Variants in ORC4 observed in about 807,000 individuals in gnomAD.
ORC4 encodes origin recognition complex, subunit 4 homolog.
Under a neutral mutation model 63.9 loss-of-function variants are expected in ORC4, and 55 were observed. The observed-to-expected ratio is 0.86, with a 90% CI of 0.69 to 1.08. The LOEUF (loss-of-function observed/expected upper bound fraction) is 1.08. Among genes scored for constraint, ORC4 ranks in the 50% least tolerant of loss-of-function variants. The pLI, the probability that ORC4 is intolerant of heterozygous loss-of-function variation, is 0.00. For synonymous variants in ORC4, 150 were observed against 168.5 expected (o/e 0.89, Z 0.85); for missense variants, 511 against 504.4 (o/e 1.01, Z -0.13).
chr2:147,955,390 G>T lies in ORC4; in HGVS notation c.393C>A (p.Ser131Arg), dbSNP rs1304152588. 10 of 1,602,916 alleles carry T rather than the reference G, an allele frequency of 6.2e-6. No individual in the cohort carries two copies. The highest frequency in any genetic ancestry group is 6.8e-6 in the Non-Finnish European group (8 of 1,171,280). The change falls in exon 7 of 14, where the codon AGC (serine) becomes AGA (arginine). Residue 131 changes from serine to arginine, a missense_variant. Ser to Arg is a moderately radical substitution (Grantham distance 110). Transcript: ENST00000392857. ...ENVVGDKVFGSFAENLSFLLE... is the reference protein window; with the variant it reads ...ENVVGDKVFGRFAENLSFLLE... ...GAAGAAATGAAAGGTTTTCAGCAAA[G>T]CTTCCCTGAACAACAAAATGAGATA...
chr2:147,955,228 A>G, intron 7 of ORC4, 119 bp downstream of exon 7: 1 of 673,222 alleles, frequency 1.5e-6, no homozygotes, highest in South Asian at 1.7e-5. Flanking sequence ...ATTCTTTTTA[A>G]TGTTTCTGTA....
chr2:148,005,993 AACAC>A (rs1380909161), intron 1 of ORC4, among the ~76,000 whole-genome samples: 1 of 152,064 alleles, frequency 6.6e-6, no homozygotes, highest in African/African-American at 2.4e-5. Context: ...CAAACAAATA[AACAC>A]ACTAACAAAC....
intron 1 of ORC4, among the ~76,000 whole-genome samples, chr2:148,001,125 A>G (rs1692275910): frequency 6.6e-6 from 1 of 152,124 alleles, no homozygotes; most frequent in Non-Finnish European, 1.5e-5. Context: ...AAGGCGATAA[A>G]GGCCCAATCA....
At chr2:147,959,180 T>C (rs1442331284) in intron 4 of ORC4, among the ~76,000 whole-genome samples, 5 of 152,010 alleles carry the variant, frequency 3.3e-5, no homozygotes, top group Non-Finnish European at 5.9e-5. Flanking sequence ...ATGGCCCTTA[T>C]AAACTTCATG....
At chr2:147,945,599 G>A (rs1688614629) in intron 9 of ORC4, among the ~76,000 whole-genome samples, 1 of 152,036 alleles carries the variant, frequency 6.6e-6, no homozygotes, top group Non-Finnish European at 1.5e-5. Flanking sequence ...CTCTTATACT[G>A]CCATGCTAAG....
upstream of ORC4, chr2:148,021,147 G>A (rs1356987929): frequency 6.4e-6 from 1 of 155,112 alleles, no homozygotes; most frequent in Non-Finnish European, 1.4e-5. Flanking sequence ...GGCAGTGGCA[G>A]AGGGGGGGCA....
chr2:148,010,054 T>A (rs1056251797), intron 1 of ORC4, among the ~76,000 whole-genome samples: 1 of 152,080 alleles, frequency 6.6e-6, no homozygotes, highest in African/African-American at 2.4e-5. Flanking sequence ...AAGTGGAACT[T>A]TGGAAACTAT....
At chr2:147,973,314 C>A in intron 3 of ORC4, 134 bp downstream of exon 3, 1 of 684,926 alleles carries the variant, frequency 1.5e-6, no homozygotes, top group South Asian at 1.7e-5. Flanking sequence ...TTTCTATTCA[C>A]AAAGCAAAAT....
At chr2:148,016,139 T>A (rs1264563678) in intron 1 of ORC4, among the ~76,000 whole-genome samples, 1 of 152,190 alleles carries the variant, frequency 6.6e-6, no homozygotes, top group African/African-American at 2.4e-5. Context: ...AAACACCGTT[T>A]TGAAGTGTTG....
chr2:148,003,997 C>A (rs1030451692), intron 1 of ORC4, among the ~76,000 whole-genome samples: 2 of 152,120 alleles, frequency 1.3e-5, no homozygotes, highest in South Asian at 4.1e-4. Context: ...CATGAGTGAA[C>A]TCCCATTCGC....
chr2:148,021,330 C>A (rs1693705884), upstream of ORC4: 3 of 384,770 alleles, frequency 7.8e-6, no homozygotes, highest in Non-Finnish European at 1.5e-5. Context: ...CTTCGAAAAC[C>A]CCCATCCACG....
intron 1 of ORC4, among the ~76,000 whole-genome samples, chr2:148,012,214 C>T (rs1693012913): frequency 1.3e-5 from 2 of 152,094 alleles, no homozygotes; most frequent in South Asian, 2.1e-4. Flanking sequence ...TATACTACAA[C>T]GCTATAGTAA....
Position 147,930,846 on chromosome 2 carries a change from C to G in ORC4, c.*4664G>C, listed in dbSNP as rs1471343846. 2 of 143,944 alleles carry G rather than the reference C, an allele frequency of 1.4e-5. No homozygotes were observed. Among genetic ancestry groups the G allele is most frequent in the African/African-American group, 5.3e-5 (2 of 37,400 alleles). The allele number at this position is 143,944 out of a possible 1,614,324, so 8.9% of individuals were successfully genotyped here. On this transcript the variant is annotated 3_prime_UTR_variant, in exon 14 of 14. Coordinates refer to ENST00000392857, the MANE Select transcript of ORC4 (RefSeq NM_181741.4). ...GGTATGATTTGCATATGCAGTTTTT[C>G]TTTAGCTATGTTTTTTTTTTTTTTT...
At chr2:147,951,940 T>C (rs1217529879) in intron 8 of ORC4, among the ~76,000 whole-genome samples, 1 of 152,250 alleles carries the variant, frequency 6.6e-6, no homozygotes, top group African/African-American at 2.4e-5. Context: ...CAGTGCTTGG[T>C]AGAATCTTTT....
At chr2:147,954,280 T>C (rs1324837881) in intron 7 of ORC4, among the ~76,000 whole-genome samples, 2 of 152,078 alleles carry the variant, frequency 1.3e-5, no homozygotes, top group African/African-American at 4.8e-5. Context: ...CAACAGGAAA[T>C]ACAGTCGTGT....
At chr2:148,021,368 G>C, upstream of ORC4, 3 of 392,176 alleles carry the variant, frequency 7.6e-6, no homozygotes, top group Non-Finnish European at 1.5e-5. Flanking sequence ...CCTCCAACTC[G>C]CCTCCCTCCC....
chr2:147,957,116 T>C (rs1406648704), intron 6 of ORC4, among the ~76,000 whole-genome samples: 2 of 147,854 alleles, frequency 1.4e-5, no homozygotes, highest in Non-Finnish European at 3.0e-5. Context: ...TATATTATAT[T>C]AATAATTTAG....
intron 7 of ORC4, among the ~76,000 whole-genome samples, chr2:147,954,013 C>T (rs1282569286): frequency 6.6e-6 from 1 of 151,396 alleles, no homozygotes; most frequent in African/African-American, 2.4e-5. Context: ...CCCTACTTTA[C>T]AGGTAAAATC....
intron 6 of ORC4, among the ~76,000 whole-genome samples, chr2:147,956,225 T>C (rs1290266797): frequency 6.6e-6 from 1 of 152,082 alleles, no homozygotes; most frequent in African/African-American, 2.4e-5. Context: ...AACATAAAAA[T>C]AGCATAAAGG....
Sources: gnomAD v4.1 joint callset for allele counts (sites outside exome capture counted in the v4.1 genomes callset) on GRCh38, gnomAD v4.1.1 for gene constraint, MANE v1.5 for transcripts, NCBI Gene and HGNC (gene_info 2026-07-23, HGNC 2026-07-21) for gene names.